Variants in DRP2 observed in about 807,000 individuals in gnomAD.
DRP2 encodes the protein dystrophin related protein 2.
DRP2 carries 29 observed loss-of-function variants against 78.2 expected under a neutral mutation model. The ratio of observed to expected loss-of-function variants is 0.37; its 90% confidence interval spans 0.28 to 0.51. DRP2 has a LOEUF of 0.51. DRP2 is among the 20% of genes least tolerant of loss of function. The pLI, the probability that DRP2 is intolerant of heterozygous loss-of-function variation, is 0.94. For missense variants in DRP2, 686 were observed against 770.6 expected, an observed-to-expected ratio of 0.89 and a Z score of 1.30; for synonymous variants, 290 against 281.9, an observed-to-expected ratio of 1.03 and a Z score of -0.29.
chrX:101,236,141 C>T (rs985040897), intron 4 of DRP2, 118 bp downstream of exon 4: 15 of 774,147 alleles, frequency 1.9e-5, no homozygotes, highest in Non-Finnish European at 2.5e-5. Context: ...ACCCACTTCT[C>T]CCTTTCCTAC....
intron 2 of DRP2, among the ~76,000 whole-genome samples, chrX:101,229,015 T>TTTA (rs1922212392): frequency 8.9e-6 from 1 of 112,112 alleles, no homozygotes; most frequent in African/African-American, 3.2e-5. Flanking sequence ...TGATGGCGAT[T>TTTA]TTATTTTAAA....
chrX:101,252,849 C>G (rs999710975), intron 17 of DRP2, 133 bp downstream of exon 17: 2 of 482,994 alleles, frequency 4.1e-6, no homozygotes, highest in Non-Finnish European at 6.7e-6. Flanking sequence ...TCTGGTGATT[C>G]ACTGGTTTGG....
At chrX:101,242,037 G>T in intron 7 of DRP2, 101 bp downstream of exon 7, 1 of 989,218 alleles carries the variant, frequency 1.0e-6, no homozygotes, top group South Asian at 2.4e-5. Context: ...TGTTGGCCTG[G>T]ACTACAACTG....
chrX:101,256,057 G>A, intron 20 of DRP2, 61 bp from the exon 21 acceptor site: 1 of 1,113,684 alleles, frequency 9.0e-7, no homozygotes, highest in Non-Finnish European at 1.2e-6. Context: ...TGAGCTGAGA[G>A]CTGAGTTGTT....
intron 11 of DRP2, 89 bp from the exon 12 acceptor site, chrX:101,247,001 T>G: frequency 1.3e-6 from 1 of 768,999 alleles, no homozygotes. Flanking sequence ...ATCTATTGGT[T>G]GCCAGTCTGG....
chrX:101,224,211 T>C (rs1239306683), intron 1 of DRP2, among the ~76,000 whole-genome samples: 1 of 75,850 alleles, frequency 1.3e-5, no homozygotes, highest in African/African-American at 5.2e-5. Context: ...TTTTTTTTTT[T>C]TTTTTTTTTT....
chrX:101,236,556 G>A (rs1922513592), intron 4 of DRP2, among the ~76,000 whole-genome samples: 1 of 112,024 alleles, frequency 8.9e-6, no homozygotes, highest in South Asian at 3.7e-4. Context: ...AGAGCCTGAA[G>A]TCAATTTTTT....
intron 2 of DRP2, among the ~76,000 whole-genome samples, chrX:101,231,127 TTC>T (rs1922295183): frequency 8.9e-6 from 1 of 112,326 alleles, no homozygotes; most frequent in Non-Finnish European, 1.9e-5. Context: ...CATTCTCCCT[TTC>T]TCCTCTGCAC....
At chrX:101,243,255 G>A (rs1236613005) in intron 9 of DRP2, among the ~76,000 whole-genome samples, 6 of 109,966 alleles carry the variant, frequency 5.5e-5, no homozygotes, top group African/African-American at 2.0e-4. Flanking sequence ...GCAAAACTCC[G>A]TCTCTACTAA....
chrX:101,229,578 AG>A (rs1170538932), intron 2 of DRP2, among the ~76,000 whole-genome samples: 1 of 110,898 alleles, frequency 9.0e-6, no homozygotes, highest in African/African-American at 3.3e-5. Context: ...TGTGGGTGAG[AG>A]TGGGTGAAGT....
In DRP2 at chrX:101,250,880, G is replaced by T. The variant is rs765791446; in HGVS notation, c.1699-37G>T. ...CCATTCTAGGGATAAGACACTTTGG[G>T]CCTCAGTCATTCCCATTGGTCTTCT... is the stretch of plus-strand genomic sequence containing the variant. On this transcript the variant is annotated intron_variant, in intron 15 of 23. Coordinates refer to ENST00000395209, the MANE Select transcript of DRP2 (RefSeq NM_001939.3). 1.0e-5 allele frequency: 12 copies of T among 1,198,521 alleles called. No individual in the cohort carries two copies. The African/African-American group carries it at 1.9e-4, about 19-fold the overall frequency.
chrX:101,251,774 G>T (rs748547959), intron 16 of DRP2: 1 of 112,208 alleles, frequency 8.9e-6, no homozygotes, highest in African/African-American at 3.2e-5. Context: ...GCACACCACA[G>T]TATATACCTG....
Position 101,262,181 on chromosome X carries a change from G to A in DRP2, c.*1560G>A, listed in dbSNP as rs991628445. 2.7e-5 allele frequency: 3 copies of A among 111,246 alleles called. No individual in the cohort carries two copies. Among genetic ancestry groups the A allele is most frequent in the African/African-American group, 6.5e-5 (2 of 30,611 alleles). The allele number at this position is 111,246 out of a possible 1,213,427, so 9.2% of individuals were successfully genotyped here. A position where few individuals can be genotyped will look rare whatever the true frequency, so the allele number is the denominator to read the frequency against. ...ATATCTCTCTCCATTGATGTTTGGG[G>A]TGGGCTGTCCTCAAGACCAAAGCAA... is the stretch of plus-strand genomic sequence containing the variant. On this transcript the variant is annotated 3_prime_UTR_variant, in exon 24 of 24. Transcript: ENST00000395209.
chrX:101,251,933 C>T (rs965296319), intron 16 of DRP2: 1 of 111,693 alleles, frequency 9.0e-6, no homozygotes, highest in Non-Finnish European at 1.9e-5. Flanking sequence ...AACACTAACC[C>T]ACAACTCTCC....
At chrX:101,239,142 G>A (rs1184285461) in intron 6 of DRP2, 41 bp downstream of exon 6, 4 of 1,182,625 alleles carry the variant, frequency 3.4e-6, no homozygotes. Flanking sequence ...CTTGAGCCAT[G>A]TACTGCTGAA....
intron 2 of DRP2, among the ~76,000 whole-genome samples, chrX:101,226,827 A>G (rs1420926987): frequency 8.9e-6 from 1 of 111,802 alleles, no homozygotes; most frequent in African/African-American, 3.2e-5. Flanking sequence ...CTTATACCAT[A>G]ATTTCTGTGT....
intron 12 of DRP2, 143 bp from the exon 13 acceptor site, chrX:101,247,946 G>T (rs746808469): frequency 4.0e-5 from 21 of 526,232 alleles, no homozygotes; most frequent in East Asian, 2.9e-4. Flanking sequence ...TCTTAGTAAA[G>T]GACAAGCTTG....
intron 19 of DRP2, 71 bp downstream of exon 19, chrX:101,254,995 G>C: frequency 8.5e-7 from 1 of 1,177,570 alleles, no homozygotes; most frequent in Non-Finnish European, 1.2e-6. Flanking sequence ...TCTTCAGTCG[G>C]GGCAAGGAGA....
In DRP2 at chrX:101,255,169, G is replaced by A. The variant is rs948181148; in HGVS notation, c.2181-15G>A. 1.7e-6 allele frequency: 2 copies of A among 1,209,273 alleles called. No individual in the cohort carries two copies. On this transcript the variant is annotated splice_polypyrimidine_tract_variant and intron_variant, in intron 19 of 23. Transcript: ENST00000395209. ...ACATCCTGTTTTCTCTCCTGCCTCT[G>A]CTCTTTATTCCTAGGCTTGCTGAGA...
Sources: gnomAD v4.1 joint callset for allele counts (sites outside exome capture counted in the v4.1 genomes callset) on GRCh38, gnomAD v4.1.1 for gene constraint, MANE v1.5 for transcripts, NCBI Gene and HGNC (gene_info 2026-07-23, HGNC 2026-07-21) for gene names.